Variants in MORN5 observed in about 807,000 individuals in gnomAD.
The protein encoded by MORN5 is MORN repeat containing 5.
In MORN5, 21 loss-of-function variants were observed where a neutral mutation model predicts 22.1. That is an observed-to-expected ratio of 0.95 (90% CI 0.67 to 1.37). The LOEUF (loss-of-function observed/expected upper bound fraction) is 1.37. Ranked by LOEUF, MORN5 falls within the 40% of genes most tolerant of loss-of-function variation. The probability of loss-of-function intolerance (pLI) is 0.00; values close to 1 mark genes in which losing one functional copy is unlikely to be tolerated. For missense variants in MORN5, 211 were observed against 215.1 expected (o/e 0.98, Z 0.12); for synonymous variants, 73 against 74.0 (o/e 0.99, Z 0.07).
intron 4 of MORN5, among the ~76,000 whole-genome samples, chr9:122,194,017 T>G (rs972014151): frequency 6.6e-6 from 1 of 152,224 alleles, no homozygotes; most frequent in Admixed American, 6.5e-5. Flanking sequence ...TGCAATATGT[T>G]TCTTTTCTTC....
At chr9:122,167,012 T>A in intron 2 of MORN5, 97 bp downstream of exon 2, 1 of 1,210,124 alleles carries the variant, frequency 8.3e-7, no homozygotes, top group Non-Finnish European at 1.1e-6. Flanking sequence ...GGTGCCCACC[T>A]TGTTCCATTC....
At chr9:122,175,302 G>A (rs112709356) in intron 4 of MORN5, 1 of 218,322 alleles carries the variant, frequency 4.6e-6, no homozygotes. Context: ...CTAGAGGGGA[G>A]TGATCCCTTG....
chr9:122,198,700 T>G (rs10116564), intron 4 of MORN5, among the ~76,000 whole-genome samples: 5,642 of 152,222 alleles, frequency 0.037, 345 homozygotes, highest in African/African-American at 0.13. Context: ...CCAAGAACGC[T>G]TGTCCCAGCA....
At position 122,167,961 on chromosome 9, in the gene MORN5, T is replaced by G. The variant is rs1829311398; in HGVS notation, c.195+1046T>G. 2.0e-5 allele frequency among the ~76,000 whole-genome samples: 3 copies of G among 152,290 alleles called. No individual in the cohort carries two copies. The South Asian group carries it at 6.2e-4, about 32-fold the overall frequency. ...CTTCGTCCCTCTGCTTTCATCGTCA[T>G]CTCTTCTTCTCTCACCCTGACCTTA... On this transcript the variant is annotated intron_variant, in intron 2 of 4. Coordinates refer to ENST00000373764, the MANE Select transcript of MORN5 (RefSeq NM_198469.4).
At chr9:122,189,827 CGATCTCCTGACCTCGT>C (rs1829720908) in intron 4 of MORN5, among the ~76,000 whole-genome samples, 1 of 152,030 alleles carries the variant, frequency 6.6e-6, no homozygotes, top group African/African-American at 2.4e-5. Context: ...AGGATGGTCT[CGATCTCCTGACCTCGT>C]GATCTGCCTG....
chr9:122,188,797 A>G (rs112880935), intron 4 of MORN5, among the ~76,000 whole-genome samples: 1 of 152,234 alleles, frequency 6.6e-6, no homozygotes, highest in African/African-American at 2.4e-5. Context: ...TCCATTCAGC[A>G]CACATGCGTT....
chr9:122,168,941 A>G (rs1305035761), intron 2 of MORN5, among the ~76,000 whole-genome samples: 1 of 152,156 alleles, frequency 6.6e-6, no homozygotes, highest in Admixed American at 6.5e-5. Flanking sequence ...GTTCCAGTCC[A>G]AACCCAAGGG....
intron 1 of MORN5, among the ~76,000 whole-genome samples, chr9:122,165,395 C>CAAAAAAAA (rs59306308): frequency 2.4e-5 from 2 of 82,944 alleles, no homozygotes; most frequent in African/African-American, 1.1e-4. Flanking sequence ...CCCGTCTCTA[C>CAAAAAAAA]AAAAAAAAAA....
At chr9:122,172,511 CT>C (rs1564417126) in intron 3 of MORN5, among the ~76,000 whole-genome samples, 2 of 152,136 alleles carry the variant, frequency 1.3e-5, no homozygotes, top group African/African-American at 2.4e-5. Flanking sequence ...GCCTGGAATA[CT>C]TTAACCCTCT....
At chr9:122,193,670 T>G (rs1403690272) in intron 4 of MORN5, among the ~76,000 whole-genome samples, 1 of 152,274 alleles carries the variant, frequency 6.6e-6, no homozygotes, top group African/African-American at 2.4e-5. Flanking sequence ...GTTTTCAATT[T>G]TATATACACT....
intron 4 of MORN5, among the ~76,000 whole-genome samples, chr9:122,175,091 G>C (rs1052177180): frequency 6.6e-6 from 1 of 152,186 alleles, no homozygotes; most frequent in Non-Finnish European, 1.5e-5. Context: ...GGTCCTGTGG[G>C]AAGGGAAAGT....
At chr9:122,169,280 TCAACCATCA>T (rs1350336520) in intron 2 of MORN5, among the ~76,000 whole-genome samples, 2 of 152,304 alleles carry the variant, frequency 1.3e-5, no homozygotes, top group African/African-American at 4.8e-5. Flanking sequence ...TCTCACAAAA[TCAACCATCA>T]CAGCCAGGCA....
Position 122,166,830 on chromosome 9 carries a change from A to T in MORN5, c.110A>T (p.Asp37Val). 5.0e-6 allele frequency: 8 copies of T among 1,613,986 alleles called. No individual in the cohort carries two copies. Among genetic ancestry groups the T allele is most frequent in the Non-Finnish European group, 6.8e-6 (8 of 1,179,960 alleles). The change falls in exon 2 of 5, where the codon GAT becomes GTT. Residue 37 changes from aspartate to valine, a missense_variant. Transcript: ENST00000373764. ...ACAATATATGTTGGGGAAATGAAGG[A>T]TGGCATGTTTCACGGCGAGGGAACC... ...TETIYVGEMK[D>V]GMFHGEGTLY...
At chr9:122,183,245 AACTC>A (rs1306813389) in intron 4 of MORN5, among the ~76,000 whole-genome samples, 3 of 152,200 alleles carry the variant, frequency 2.0e-5, no homozygotes, top group Non-Finnish European at 4.4e-5. Flanking sequence ...CTGGTAGACT[AACTC>A]TAGCCCTTCC....
At chr9:122,189,920 A>G (rs1017354643) in intron 4 of MORN5, among the ~76,000 whole-genome samples, 1 of 152,134 alleles carries the variant, frequency 6.6e-6, no homozygotes, top group Non-Finnish European at 1.5e-5. Context: ...AAAAGTTTTT[A>G]AAAATAAGAA....
At chr9:122,170,994 T>TA (rs1431528529) in intron 3 of MORN5, among the ~76,000 whole-genome samples, 4 of 151,518 alleles carry the variant, frequency 2.6e-5, no homozygotes, top group Admixed American at 2.0e-4. Context: ...AAATAAGTAA[T>TA]AAAAAAATAA....
intron 4 of MORN5, among the ~76,000 whole-genome samples, chr9:122,180,491 A>G (rs9696292): frequency 0.48 from 72,655 of 151,656 alleles, 18,042 homozygotes; most frequent in African/African-American, 0.54. Context: ...TCACCATGTT[A>G]GCTGGGCTGG....
At chr9:122,165,708 C>G (rs1829266056) in intron 1 of MORN5, among the ~76,000 whole-genome samples, 1 of 152,156 alleles carries the variant, frequency 6.6e-6, no homozygotes, top group South Asian at 2.1e-4. Flanking sequence ...TCAATTTTGT[C>G]CCCCACTAGA....
intron 4 of MORN5, among the ~76,000 whole-genome samples, chr9:122,175,084 C>T (rs547606647): frequency 6.6e-6 from 1 of 152,176 alleles, no homozygotes; most frequent in African/African-American, 2.4e-5. Flanking sequence ...AAAACATGGT[C>T]CTGTGGGAAG....
Sources: allele counts gnomAD v4.1 joint callset (sites outside exome capture counted in the v4.1 genomes callset), GRCh38; gene constraint gnomAD v4.1.1; transcripts MANE v1.5; gene names NCBI Gene and HGNC (gene_info 2026-07-23, HGNC 2026-07-21).